NAV3: variants seen among roughly 807,000 people sequenced by gnomAD.
NAV3 encodes the protein pore membrane and/or filament interacting like protein 1.
NAV3 carries 87 observed loss-of-function variants against 244.7 expected under a neutral mutation model. That is an observed-to-expected ratio of 0.36 (90% CI 0.30 to 0.42). The LOEUF (loss-of-function observed/expected upper bound fraction) is 0.42, where lower values mean the gene tolerates loss of function less well. Among genes scored for constraint, NAV3 ranks in the 20% least tolerant of loss-of-function variants. NAV3 has a pLI of 1.00. For missense variants in NAV3, 2,663 were observed against 2,893.3 expected, an observed-to-expected ratio of 0.92 and a Z score of 1.83; for synonymous variants, 1,126 against 1,042.2, an observed-to-expected ratio of 1.08 and a Z score of -1.55.
intron 1 of NAV3, among the ~76,000 whole-genome samples, chr12:77,875,689 T>A (rs1191239050): frequency 6.6e-6 from 1 of 152,122 alleles, no homozygotes; most frequent in Non-Finnish European, 1.5e-5. Context: ...ATTTATATAT[T>A]TAATTGACTG....
chr12:77,980,165 G>A (rs1869307137), intron 5 of NAV3, among the ~76,000 whole-genome samples: 2 of 152,002 alleles, frequency 1.3e-5, no homozygotes, highest in African/African-American at 4.8e-5. Context: ...TTGCCTGATG[G>A]TTGGTTTCCC....
chr12:77,762,234 C>G (rs755287422), intron 2 of NAV3, among the ~76,000 whole-genome samples: 10 of 152,012 alleles, frequency 6.6e-5, no homozygotes, highest in Non-Finnish European at 1.2e-4. Flanking sequence ...ACAATGAGAA[C>G]ACATGGACAC....
chr12:78,095,088 CAT>C (rs550514901), intron 12 of NAV3, among the ~76,000 whole-genome samples: 4,097 of 132,670 alleles, frequency 0.031, 134 homozygotes, highest in Admixed American at 0.044. Context: ...CACACACACA[CAT>C]ATATATATAC....
chr12:77,712,571 A>C (rs191762196), intron 2 of NAV3, among the ~76,000 whole-genome samples: 1 of 152,310 alleles, frequency 6.6e-6, no homozygotes, highest in Admixed American at 6.5e-5. Context: ...TGATATCCTA[A>C]CCAGAACATG....
intron 8 of NAV3, among the ~76,000 whole-genome samples, chr12:78,020,248 C>T (rs1277736342): frequency 1.3e-5 from 2 of 152,064 alleles, no homozygotes; most frequent in East Asian, 3.9e-4. Context: ...CCATAAAAGC[C>T]AAGGTAGTAC....
chr12:78,161,588 T>C (rs1341252954), intron 23 of NAV3, among the ~76,000 whole-genome samples: 1 of 152,118 alleles, frequency 6.6e-6, no homozygotes, highest in Non-Finnish European at 1.5e-5. Flanking sequence ...AAATAATTTC[T>C]ATAACATAAG....
chr12:77,626,273 A>G (rs1029349162), intron 2 of NAV3, among the ~76,000 whole-genome samples: 4 of 152,090 alleles, frequency 2.6e-5, no homozygotes, highest in Non-Finnish European at 5.9e-5. Context: ...GTAAAAGAGT[A>G]TGAAAAAACA....
chr12:77,586,622 C>G (rs1266955658), intron 2 of NAV3, among the ~76,000 whole-genome samples: 3 of 152,102 alleles, frequency 2.0e-5, no homozygotes, highest in African/African-American at 4.8e-5. Context: ...GAGCAACTAA[C>G]TATTGCAAAA....
intron 1 of NAV3, among the ~76,000 whole-genome samples, chr12:77,924,944 A>G (rs1039049472): frequency 5.3e-5 from 8 of 151,956 alleles, no homozygotes; most frequent in African/African-American, 1.9e-4. Flanking sequence ...AGATAAGGAT[A>G]TGATCCTAGC....
At chr12:77,837,599 TAGAA>T (rs888150448) in intron 1 of NAV3, among the ~76,000 whole-genome samples, 1 of 152,122 alleles carries the variant, frequency 6.6e-6, no homozygotes, top group Admixed American at 6.6e-5. Context: ...GAGAATGTGG[TAGAA>T]TAGAGATTCA....
At chr12:77,840,010 T>G (rs993280485) in intron 1 of NAV3, among the ~76,000 whole-genome samples, 1 of 151,966 alleles carries the variant, frequency 6.6e-6, no homozygotes, top group African/African-American at 2.4e-5. Flanking sequence ...GAGGTGGAGG[T>G]TGTAGTGAGC....
intron 1 of NAV3, among the ~76,000 whole-genome samples, chr12:77,928,151 A>G (rs1207097978): frequency 1.5e-5 from 2 of 136,392 alleles, no homozygotes; most frequent in African/African-American, 2.8e-5. Context: ...TGAATCAGGG[A>G]GGTAGAGGTT....
At chr12:78,127,530 G>A (rs1955969355) in intron 17 of NAV3, among the ~76,000 whole-genome samples, 1 of 151,948 alleles carries the variant, frequency 6.6e-6, no homozygotes. Flanking sequence ...ACTTTTTTGG[G>A]GGCAGCAACT....
intron 2 of NAV3, among the ~76,000 whole-genome samples, chr12:77,745,625 T>C (rs1321032940): frequency 6.6e-6 from 1 of 151,898 alleles, no homozygotes; most frequent in Non-Finnish European, 1.5e-5. Flanking sequence ...GAAGGCATCT[T>C]GGGAGGGAAG....
At position 78,050,748 on chromosome 12, in the gene NAV3, C is replaced by T. The variant is rs1182714503; in HGVS notation, c.2133-16C>T. The T allele has an allele frequency of 6.4e-7, 1 of 1,569,428 alleles. No homozygotes were observed. Among genetic ancestry groups the T allele is most frequent in the African/African-American group, 1.4e-5 (1 of 73,906 alleles). ...AGTGAACCAGAGTATAGTTATTTCT[C>T]CATTTTATTTGACAGCACCCTGGAG... On this transcript the variant is annotated splice_polypyrimidine_tract_variant and intron_variant, in intron 10 of 39. Transcript: ENST00000397909.
upstream of NAV3, among the ~76,000 whole-genome samples, chr12:77,828,201 T>C (rs1345295148): frequency 1.3e-5 from 2 of 152,168 alleles, no homozygotes; most frequent in African/African-American, 4.8e-5. Context: ...GTATAATCCG[T>C]TATAAAAGCG....
At chr12:77,772,309 A>G (rs777642187) in intron 2 of NAV3, among the ~76,000 whole-genome samples, 3 of 152,202 alleles carry the variant, frequency 2.0e-5, no homozygotes, top group Non-Finnish European at 4.4e-5. Flanking sequence ...AAACATAAAG[A>G]TTATTTCAAA....
chr12:77,814,036 G>T (rs550027925), intron 2 of NAV3, among the ~76,000 whole-genome samples: 56 of 152,238 alleles, frequency 3.7e-4, no homozygotes, highest in Non-Finnish European at 7.4e-4. Flanking sequence ...TCCTCAGGCT[G>T]CACCTCACAT....
At chr12:77,892,363 C>T (rs549247323) in intron 1 of NAV3, among the ~76,000 whole-genome samples, 24 of 151,618 alleles carry the variant, frequency 1.6e-4, no homozygotes, top group Non-Finnish European at 3.1e-4. Flanking sequence ...TAGGTGATCA[C>T]CAAGGGTTTC....
Sources: gnomAD v4.1 joint callset for allele counts (sites outside exome capture counted in the v4.1 genomes callset) on GRCh38, gnomAD v4.1.1 for gene constraint, MANE v1.5 for transcripts, NCBI Gene and HGNC (gene_info 2026-07-23, HGNC 2026-07-21) for gene names.